The following PPP1R12B variants were observed in gnomAD, a reference collection of about 807,000 sequenced individuals.
PPP1R12B encodes protein phosphatase 1 regulatory subunit 12B.
A neutral mutation model predicts 126.1 loss-of-function variants in PPP1R12B; 76 were observed. That is an observed-to-expected ratio of 0.60 (90% CI 0.50 to 0.73). The LOEUF (loss-of-function observed/expected upper bound fraction) is 0.73, where lower values mean the gene tolerates loss of function less well. PPP1R12B is among the 30% of genes least tolerant of loss of function. The probability of loss-of-function intolerance (pLI) is 0.00; values close to 1 mark genes in which losing one functional copy is unlikely to be tolerated. For synonymous variants in PPP1R12B, 356 were observed against 434.7 expected (o/e 0.82, Z 2.25); for missense variants, 1,052 against 1,205.1 (o/e 0.87, Z 1.88).
At chr1:202,570,799 A>G (rs1688519439) in intron 23 of PPP1R12B, among the ~76,000 whole-genome samples, 1 of 152,178 alleles carries the variant, frequency 6.6e-6, no homozygotes. Context: ...CTGGGACTAC[A>G]GGCACGTGCC....
At position 202,425,602 on chromosome 1, in the gene PPP1R12B, A is replaced by G. The variant is rs143342915; in HGVS notation, c.578A>G (p.Gln193Arg). The G allele has an allele frequency of 6.6e-5, 107 of 1,613,896 alleles. No individual in the cohort carries two copies. The highest frequency in any genetic ancestry group is 8.5e-5 in the Non-Finnish European group (100 of 1,179,870). Residue 193 changes from glutamine (Q) to arginine (R), a missense_variant, in exon 4 of 24, where the codon CAG (glutamine) becomes CGG (arginine). Coordinates refer to ENST00000608999, the MANE Select transcript of PPP1R12B (RefSeq NM_002481.4). The stretch of plus-strand genomic sequence containing the variant: ...GAGCAGTCAAGAAAAGAAGAAGAGC[A>G]GCAGATGTTGCAGGATGCCCGCCAG... ...DLEQSRKEEE[Q>R]QMLQDARQWL... is the part of the protein sequence containing the mutation.
In PPP1R12B at chr1:202,586,732, A is replaced by G. The variant is rs1689836478; in HGVS notation, c.*6172A>G. On this transcript the variant is annotated 3_prime_UTR_variant, in exon 24 of 24. Transcript: ENST00000608999. ...TTGAGAGTTGGGGTTGAGGGCAAACATAGAACCCAGGTTTGGCTTACAACC... is the reference window on the plus strand; with the variant it reads ...TTGAGAGTTGGGGTTGAGGGCAAACGTAGAACCCAGGTTTGGCTTACAACC... The G allele has an allele frequency of 1.3e-5, 2 of 152,254 alleles. No individual in the cohort carries two copies. The allele number at this position is 152,254 out of a possible 1,614,324, so 9.4% of individuals were successfully genotyped here.
At chr1:202,483,107 CTG>C (rs1439917619) in intron 13 of PPP1R12B, among the ~76,000 whole-genome samples, 1 of 152,058 alleles carries the variant, frequency 6.6e-6, no homozygotes, top group Non-Finnish European at 1.5e-5. Context: ...GTCTACGTGT[CTG>C]TTTTTATGCC....
intron 1 of PPP1R12B, among the ~76,000 whole-genome samples, chr1:202,415,885 C>T (rs1210314400): frequency 2.6e-5 from 4 of 152,096 alleles, no homozygotes; most frequent in South Asian, 2.1e-4. Flanking sequence ...ATTCTAGAGT[C>T]GTAAACTACA....
Position 202,488,757 on chromosome 1 carries a change from G to A in PPP1R12B, c.1941+134G>A, listed in dbSNP as rs537783323. 624 of 821,132 alleles carry A rather than the reference G, an allele frequency of 7.6e-4. 2 individuals are homozygous for A. In the African/African-American group the frequency reaches 8.6e-3, roughly 11 times the overall value. The allele number at this position is 821,132 out of a possible 1,614,324, so 50.9% of individuals were successfully genotyped here. A position where few individuals can be genotyped will look rare whatever the true frequency, so the allele number is the denominator to read the frequency against. On this transcript the variant is annotated intron_variant, in intron 14 of 23. Transcript: ENST00000608999. ...CACACACACACGCTCACGGCTTGGC[G>A]TGGTGGCTCACACCTGTAATCCCAG...
intron 1 of PPP1R12B, among the ~76,000 whole-genome samples, chr1:202,358,100 T>C (rs1657445978): frequency 6.6e-6 from 1 of 152,146 alleles, no homozygotes; most frequent in Non-Finnish European, 1.5e-5. Context: ...AATAAATCTT[T>C]AATGGTTCAA....
At chr1:202,422,014 C>A (rs1668854358) in intron 2 of PPP1R12B, among the ~76,000 whole-genome samples, 1 of 152,180 alleles carries the variant, frequency 6.6e-6, no homozygotes, top group Admixed American at 6.5e-5. Context: ...TGTGAAAGCA[C>A]TCTGAAAATC....
intron 1 of PPP1R12B, among the ~76,000 whole-genome samples, chr1:202,391,645 T>TG (rs1272454538): frequency 9.0e-6 from 1 of 110,542 alleles, no homozygotes; most frequent in Non-Finnish European, 1.9e-5. Flanking sequence ...GATAAATGAA[T>TG]TATCTTCAGG....
chr1:202,571,782 C>T (rs1162987300), intron 23 of PPP1R12B, among the ~76,000 whole-genome samples: 1 of 151,980 alleles, frequency 6.6e-6, no homozygotes, highest in East Asian at 1.9e-4. Flanking sequence ...TTAGTTAAAA[C>T]ATTCAGATTC....
At chr1:202,392,408 G>A (rs967871537) in intron 1 of PPP1R12B, among the ~76,000 whole-genome samples, 1 of 152,200 alleles carries the variant, frequency 6.6e-6, no homozygotes, top group Non-Finnish European at 1.5e-5. Flanking sequence ...TTATTTGAAA[G>A]TCCAGAATAG....
intron 12 of PPP1R12B, among the ~76,000 whole-genome samples, chr1:202,446,426 T>A (rs926250224): frequency 1.3e-5 from 2 of 148,488 alleles, no homozygotes; most frequent in Non-Finnish European, 3.0e-5. Context: ...GCTAATTTTT[T>A]GTATTTTTAG....
chr1:202,532,860 CTTTTTTTTTTTTTTT>C lies in PPP1R12B; in HGVS notation c.2491-26005_2491-25991del, dbSNP rs375983770. 6.4e-5 allele frequency among the ~76,000 whole-genome samples: 6 copies of C among 93,814 alleles called. No homozygotes were observed. The East Asian group carries it at 9.3e-4, about 14-fold the overall frequency. The allele number at this position is 93,814 out of a possible 152,430, so 61.5% of individuals were successfully genotyped here. A position where few individuals can be genotyped will look rare whatever the true frequency, so the allele number is the denominator to read the frequency against. On this transcript the variant is annotated intron_variant, in intron 18 of 23. Coordinates refer to ENST00000608999, the MANE Select transcript of PPP1R12B (RefSeq NM_002481.4). Reference sequence around the variant, plus strand: ...ACCCTTTACCTAGAGATCACATTCACTTTTTTTTTTTTTTTTTTTTTTTTTTGAGCTGGAGTTTCA... The same window carrying C: ...ACCCTTTACCTAGAGATCACATTCACTTTTTTTTTTTGAGCTGGAGTTTCA...
At chr1:202,553,634 A>T (rs1037969328) in intron 18 of PPP1R12B, among the ~76,000 whole-genome samples, 3 of 152,188 alleles carry the variant, frequency 2.0e-5, no homozygotes, top group African/African-American at 7.2e-5. Flanking sequence ...GGATGGAAGG[A>T]TGGGACCATT....
intron 18 of PPP1R12B, among the ~76,000 whole-genome samples, chr1:202,546,768 A>G (rs1479568769): frequency 6.6e-6 from 1 of 152,276 alleles, no homozygotes; most frequent in Admixed American, 6.5e-5. Context: ...CTTGGGAGAA[A>G]ATTATGGGCT....
At chr1:202,443,804 T>A (rs1409248312) in intron 12 of PPP1R12B, among the ~76,000 whole-genome samples, 2 of 152,154 alleles carry the variant, frequency 1.3e-5, no homozygotes, top group East Asian at 3.9e-4. Flanking sequence ...AGGCATGGAG[T>A]TATTCTGTGG....
At chr1:202,373,197 A>G (rs1660601468) in intron 1 of PPP1R12B, among the ~76,000 whole-genome samples, 1 of 152,016 alleles carries the variant, frequency 6.6e-6, no homozygotes, top group Admixed American at 6.6e-5. Context: ...CAGCCTCCCA[A>G]AGTGCTGGGA....
At chr1:202,401,420 G>A (rs1377639938) in intron 1 of PPP1R12B, among the ~76,000 whole-genome samples, 2 of 111,454 alleles carry the variant, frequency 1.8e-5, no homozygotes, top group African/African-American at 3.4e-5. Context: ...ACATTGCCCA[G>A]GCTGGTCTTG....
At chr1:202,505,112 G>A (rs1680669288) in intron 18 of PPP1R12B, among the ~76,000 whole-genome samples, 2 of 152,170 alleles carry the variant, frequency 1.3e-5, no homozygotes, top group South Asian at 2.1e-4. Context: ...ACACATAACT[G>A]AAGAATTTTG....
At chr1:202,514,355 A>G (rs1248584940) in intron 18 of PPP1R12B, among the ~76,000 whole-genome samples, 1 of 152,112 alleles carries the variant, frequency 6.6e-6, no homozygotes, top group Admixed American at 6.5e-5. Context: ...ATAGTTTGCA[A>G]ATATTTTCTC....
Sources: gnomAD v4.1 joint callset for allele counts (sites outside exome capture counted in the v4.1 genomes callset) on GRCh38, gnomAD v4.1.1 for gene constraint, MANE v1.5 for transcripts, NCBI Gene and HGNC (gene_info 2026-07-23, HGNC 2026-07-21) for gene names.